Variants in LRRC3B observed in about 807,000 individuals in gnomAD.
The protein encoded by LRRC3B is leucine rich repeat containing 3B.
LRRC3B carries 2 observed loss-of-function variants against 12.8 expected under a neutral mutation model. That is an observed-to-expected ratio of 0.16 (90% CI 0.06 to 0.49). LRRC3B has a LOEUF of 0.49. LRRC3B is among the 20% of genes least tolerant of loss of function. The pLI, the probability that LRRC3B is intolerant of heterozygous loss-of-function variation, is 0.96. For synonymous variants in LRRC3B, 132 were observed against 122.0 expected (o/e 1.08, Z -0.54); for missense variants, 189 against 319.4 (o/e 0.59, Z 3.11).
rs532371942 is a variant in LRRC3B at position 26,689,856 on chromosome 3, A to G, written c.-160-19657A>G. Among the ~76,000 whole-genome samples, 20 of 152,250 alleles carry G rather than the reference A, an allele frequency of 1.3e-4. 1 individual carries two copies. In the South Asian group the frequency reaches 4.1e-3, roughly 32 times the overall value. On this transcript the variant is annotated intron_variant, in intron 1 of 1. Transcript: ENST00000396641. ...AGATGGTCCGCAGGCCCCCCAACAC[A>G]TGGGTGTCTTGCTCTGCTCTGTCCA...
chr3:26,694,335 AC>A (rs1377534482), intron 1 of LRRC3B, among the ~76,000 whole-genome samples: 1 of 152,210 alleles, frequency 6.6e-6, no homozygotes, highest in East Asian at 1.9e-4. Flanking sequence ...GTTAATAAAT[AC>A]TTTACTGCAA....
At chr3:26,660,668 T>C (rs1310259429) in intron 1 of LRRC3B, among the ~76,000 whole-genome samples, 1 of 152,116 alleles carries the variant, frequency 6.6e-6, no homozygotes, top group East Asian at 1.9e-4. Flanking sequence ...GGGCAAATGT[T>C]GACAAAGGAA....
At chr3:26,626,527 A>G (rs1698629526) in intron 1 of LRRC3B, among the ~76,000 whole-genome samples, 1 of 152,204 alleles carries the variant, frequency 6.6e-6, no homozygotes, top group Non-Finnish European at 1.5e-5. Flanking sequence ...TGCTGGAACC[A>G]CTGCCTTTTG....
intron 1 of LRRC3B, among the ~76,000 whole-genome samples, chr3:26,628,845 TAAA>T (rs5847410): frequency 8.0e-5 from 11 of 137,040 alleles, no homozygotes; most frequent in Non-Finnish European, 1.1e-4. Context: ...GAGTAAATAC[TAAA>T]AAAAAAAAAA....
chr3:26,685,924 T>C (rs1700078721), intron 1 of LRRC3B, among the ~76,000 whole-genome samples: 1 of 152,106 alleles, frequency 6.6e-6, no homozygotes, highest in African/African-American at 2.4e-5. Flanking sequence ...GCAAACATTC[T>C]CTAAGATTCT....
intron 1 of LRRC3B, among the ~76,000 whole-genome samples, chr3:26,642,884 G>T (rs141255718): frequency 0.029 from 4,426 of 152,096 alleles, 125 homozygotes; most frequent in East Asian, 0.13. Flanking sequence ...GGGTGTGGTG[G>T]TGTGTTCCTG....
intron 1 of LRRC3B, among the ~76,000 whole-genome samples, chr3:26,655,246 A>T (rs564651115): frequency 6.6e-6 from 1 of 152,346 alleles, no homozygotes; most frequent in South Asian, 2.1e-4. Flanking sequence ...TAAAGAAATT[A>T]GTAGATATTA....
intron 1 of LRRC3B, among the ~76,000 whole-genome samples, chr3:26,656,239 G>T (rs935388233): frequency 6.6e-6 from 1 of 152,156 alleles, no homozygotes; most frequent in African/African-American, 2.4e-5. Context: ...GTTGCATATT[G>T]CAGCGAAGAT....
chr3:26,677,770 T>C (rs1699890357), intron 1 of LRRC3B, among the ~76,000 whole-genome samples: 1 of 148,266 alleles, frequency 6.7e-6, no homozygotes, highest in South Asian at 2.2e-4. Context: ...TAAATAGCCA[T>C]TTTTTTTCTG....
intron 1 of LRRC3B, among the ~76,000 whole-genome samples, chr3:26,639,617 G>A (rs1053043401): frequency 6.6e-6 from 1 of 151,750 alleles, no homozygotes; most frequent in Admixed American, 6.6e-5. Context: ...GTGCTCAATA[G>A]CCACATGTGG....
intron 1 of LRRC3B, among the ~76,000 whole-genome samples, chr3:26,629,858 G>A (rs1217874827): frequency 1.3e-5 from 2 of 151,934 alleles, no homozygotes; most frequent in South Asian, 2.1e-4. Context: ...CTGTGAAAGG[G>A]GTATGGTGTG....
At chr3:26,710,562 G>T in exon 2 of LRRC3B, 1 of 1,172,352 alleles carries the variant, frequency 8.5e-7, no homozygotes, top group Non-Finnish European at 1.2e-6. Flanking sequence ...TTGTATTTCA[G>T]TTTCTTTTGA....
chr3:26,697,839 C>G (rs1202477308), intron 1 of LRRC3B, among the ~76,000 whole-genome samples: 4 of 152,140 alleles, frequency 2.6e-5, no homozygotes, highest in Non-Finnish European at 5.9e-5. Flanking sequence ...GCTTTTGGCC[C>G]TGTGCCTTGT....
chr3:26,692,827 GTTC>G (rs1700218856), intron 1 of LRRC3B, among the ~76,000 whole-genome samples: 1 of 152,194 alleles, frequency 6.6e-6, no homozygotes, highest in South Asian at 2.1e-4. Flanking sequence ...TAGCTTGGTG[GTTC>G]TTCTAGTCTT....
intron 1 of LRRC3B, among the ~76,000 whole-genome samples, chr3:26,685,586 G>T (rs1385863611): frequency 2.1e-4 from 20 of 93,568 alleles, no homozygotes; most frequent in Admixed American, 6.2e-4. Context: ...ATATATACAA[G>T]CTTCACTCAT....
At chr3:26,655,755 C>T (rs900682132) in intron 1 of LRRC3B, among the ~76,000 whole-genome samples, 1 of 152,086 alleles carries the variant, frequency 6.6e-6, no homozygotes. Flanking sequence ...CAGAAATGCT[C>T]AGTAGTACAT....
chr3:26,639,627 G>T (rs776059870), intron 1 of LRRC3B, among the ~76,000 whole-genome samples: 1 of 151,942 alleles, frequency 6.6e-6, no homozygotes, highest in Non-Finnish European at 1.5e-5. Context: ...GCCACATGTG[G>T]CCAGTGATTA....
At chr3:26,640,446 A>T (rs1699005708) in intron 1 of LRRC3B, among the ~76,000 whole-genome samples, 2 of 132,994 alleles carry the variant, frequency 1.5e-5, no homozygotes, top group South Asian at 4.7e-4. Context: ...AAAAAAACCC[A>T]AAAAACAAAA....
At chr3:26,663,524 T>C (rs574231691) in intron 1 of LRRC3B, among the ~76,000 whole-genome samples, 50 of 152,252 alleles carry the variant, frequency 3.3e-4, no homozygotes, top group Admixed American at 3.1e-3. Context: ...TACCTGGTGT[T>C]TTTGTTGATT....
Sources: allele counts gnomAD v4.1 joint callset (sites outside exome capture counted in the v4.1 genomes callset), GRCh38; gene constraint gnomAD v4.1.1; transcripts MANE v1.5; gene names NCBI Gene and HGNC (gene_info 2026-07-23, HGNC 2026-07-21).